Variants in MSI2 observed in about 807,000 individuals in gnomAD.
MSI2 encodes RNA-binding protein Musashi homolog 2.
A neutral mutation model predicts 45.6 loss-of-function variants in MSI2; 17 were observed. That is an observed-to-expected ratio of 0.37 (90% confidence interval 0.26 to 0.56). The LOEUF is 0.56. Among genes scored for constraint, MSI2 ranks in the 20% least tolerant of loss-of-function variants. The pLI, the probability that MSI2 is intolerant of heterozygous loss-of-function variation, is 0.77. For missense variants in MSI2, 293 were observed against 444.2 expected, an observed-to-expected ratio of 0.66 and a Z score of 3.06; for synonymous variants, 156 against 158.2, an observed-to-expected ratio of 0.99 and a Z score of 0.11.
chr17:57,574,991 C>T (rs148622720), intron 7 of MSI2, among the ~76,000 whole-genome samples: 2,419 of 152,184 alleles, frequency 0.016, 32 homozygotes, highest in Middle Eastern at 0.058. Context: ...CCACCACGCC[C>T]GGCTAATTTT....
At chr17:57,545,780 T>C (rs1342759036) in intron 7 of MSI2, among the ~76,000 whole-genome samples, 1 of 152,184 alleles carries the variant, frequency 6.6e-6, no homozygotes, top group Admixed American at 6.5e-5. Context: ...AACATAAGTC[T>C]GAATGTTAGA....
intron 6 of MSI2, among the ~76,000 whole-genome samples, chr17:57,465,891 C>A (rs779827942): frequency 1.3e-5 from 2 of 152,138 alleles, no homozygotes; most frequent in African/African-American, 4.8e-5. Context: ...CTCTGAGCCC[C>A]GTAGAAGGGT....
intron 8 of MSI2, among the ~76,000 whole-genome samples, chr17:57,606,903 G>C (rs533328009): frequency 3.6e-4 from 55 of 152,070 alleles, no homozygotes; most frequent in African/African-American, 1.2e-3. Flanking sequence ...GATGGGGGGG[G>C]GTGGCTGGCA....
chr17:57,515,328 C>T (rs141927630), intron 6 of MSI2, among the ~76,000 whole-genome samples: 125 of 152,268 alleles, frequency 8.2e-4, no homozygotes, highest in African/African-American at 2.8e-3. Flanking sequence ...CTCAACATCC[C>T]GAGTAGCTGG....
intron 10 of MSI2, among the ~76,000 whole-genome samples, chr17:57,641,594 G>C (rs1910268964): frequency 6.6e-6 from 1 of 152,228 alleles, no homozygotes; most frequent in Admixed American, 6.5e-5. Flanking sequence ...TCAATGGTCA[G>C]AACATTCGTA....
At chr17:57,450,539 G>A (rs549635598) in intron 6 of MSI2, among the ~76,000 whole-genome samples, 1 of 151,726 alleles carries the variant, frequency 6.6e-6, no homozygotes, top group South Asian at 2.1e-4. Flanking sequence ...GCGTGGTGGT[G>A]CATGCCTGTT....
At chr17:57,379,400 C>G (rs556294197) in intron 5 of MSI2, among the ~76,000 whole-genome samples, 19 of 150,316 alleles carry the variant, frequency 1.3e-4, no homozygotes, top group African/African-American at 4.6e-4. Context: ...TTGACTGTTG[C>G]TATTATGTGG....
chr17:57,570,819 G>T (rs1156605478), intron 7 of MSI2, among the ~76,000 whole-genome samples: 2 of 152,228 alleles, frequency 1.3e-5, no homozygotes, highest in Non-Finnish European at 2.9e-5. Context: ...GCAGAAGGCT[G>T]CTGGATCCTC....
At chr17:57,363,417 T>G (rs1400414262) in intron 5 of MSI2, among the ~76,000 whole-genome samples, 1 of 152,116 alleles carries the variant, frequency 6.6e-6, no homozygotes, top group East Asian at 1.9e-4. Context: ...GAGTGGCGAT[T>G]TTATGTTATG....
intron 6 of MSI2, among the ~76,000 whole-genome samples, chr17:57,438,761 C>T (rs1232589072): frequency 3.3e-5 from 5 of 151,100 alleles, no homozygotes; most frequent in African/African-American, 9.7e-5. Flanking sequence ...CCAGTCTGAC[C>T]GGAGCCTAGG....
In MSI2 at chr17:57,474,614, C is replaced by T. The variant is rs554266388; in HGVS notation, c.406-55062C>T. ...ATTGCCCCTGGTTGAGAATCACTAC[C>T]TGAAACCTAAGTCCTTTCTTCTGCC... On this transcript the variant is annotated intron_variant, in intron 6 of 13. Coordinates refer to ENST00000284073, the MANE Select transcript of MSI2 (RefSeq NM_138962.4). Among the ~76,000 whole-genome samples the T allele has an allele frequency of 2.0e-5, 3 of 152,352 alleles. No homozygotes were observed. In the East Asian group the frequency reaches 5.8e-4, roughly 29 times the overall value.
chr17:57,635,877 C>T (rs1336998449), intron 10 of MSI2, among the ~76,000 whole-genome samples: 1 of 152,212 alleles, frequency 6.6e-6, no homozygotes, highest in Non-Finnish European at 1.5e-5. Context: ...GCGATGTGGC[C>T]GATTGCTGTA....
chr17:57,664,939 CA>C (rs888113791), intron 11 of MSI2, among the ~76,000 whole-genome samples: 18 of 152,314 alleles, frequency 1.2e-4, no homozygotes, highest in African/African-American at 4.3e-4. Flanking sequence ...ATCACAGACC[CA>C]TCAAACCAGA....
chr17:57,317,098 A>G (rs1912910845), intron 5 of MSI2, among the ~76,000 whole-genome samples: 1 of 152,162 alleles, frequency 6.6e-6, no homozygotes, highest in Admixed American at 6.5e-5. Flanking sequence ...GAGGCCATGC[A>G]TGCCACCTAG....
intron 5 of MSI2, among the ~76,000 whole-genome samples, chr17:57,392,451 C>T (rs1368973149): frequency 6.6e-6 from 1 of 152,166 alleles, no homozygotes; most frequent in Non-Finnish European, 1.5e-5. Flanking sequence ...TCAGAGGTAA[C>T]GTTGTGCCCT....
rs36012897 is a variant in MSI2 at position 57,346,555 on chromosome 17, T to G, written c.313-54824T>G. The stretch of plus-strand genomic sequence containing the variant: ...GTTAAATGCTTTGAAGAACAATAAA[T>G]AATCTTTCTTTTTTTGTTGTTTAAA... On this transcript the variant is annotated intron_variant, in intron 5 of 13. Transcript: ENST00000284073. Among the ~76,000 whole-genome samples the G allele has an allele frequency of 9.9e-3, 1,504 of 151,510 alleles. 12 individuals are homozygous for G. Among genetic ancestry groups the G allele is most frequent in the Non-Finnish European group, 0.015 (1,006 of 68,008 alleles).
chr17:57,390,597 G>A (rs1291262645), intron 5 of MSI2, among the ~76,000 whole-genome samples: 2 of 152,234 alleles, frequency 1.3e-5, no homozygotes, highest in African/African-American at 4.8e-5. Context: ...TCAAGGCTAA[G>A]GGTTGAGGCT....
At chr17:57,431,946 A>T (rs2084602819) in intron 6 of MSI2, among the ~76,000 whole-genome samples, 1 of 152,128 alleles carries the variant, frequency 6.6e-6, no homozygotes, top group Non-Finnish European at 1.5e-5. Flanking sequence ...ATATGAAGAG[A>T]AGGCTTCCCC....
intron 5 of MSI2, among the ~76,000 whole-genome samples, chr17:57,337,681 A>G (rs1431827494): frequency 2.0e-5 from 3 of 151,952 alleles, no homozygotes; most frequent in East Asian, 1.9e-4. Context: ...TCTTCACATC[A>G]TGAATTGGTC....
Sources: allele counts gnomAD v4.1 joint callset (sites outside exome capture counted in the v4.1 genomes callset), GRCh38; gene constraint gnomAD v4.1.1; transcripts MANE v1.5; gene names NCBI Gene and HGNC (gene_info 2026-07-23, HGNC 2026-07-21).